Variants in LYN observed in about 807,000 individuals in gnomAD.
The protein encoded by LYN is LYN proto-oncogene, Src family tyrosine kinase.
LYN carries 12 observed loss-of-function variants against 65.0 expected under a neutral mutation model. That is an observed-to-expected ratio of 0.18 (90% CI 0.12 to 0.30). LYN has a LOEUF of 0.30. Among genes scored for constraint, LYN ranks in the 10% least tolerant of loss-of-function variants. The pLI is 1.00. For missense variants in LYN, 380 were observed against 623.2 expected, an observed-to-expected ratio of 0.61 and a Z score of 4.16; for synonymous variants, 222 against 221.2, an observed-to-expected ratio of 1.00 and a Z score of -0.03.
chr8:55,902,744 C>T, intron 1 of LYN: 1 of 502,236 alleles, frequency 2.0e-6, no homozygotes, highest in South Asian at 1.5e-5. Flanking sequence ...GTCTCATTGT[C>T]ACCACTGCAA....
chr8:55,980,936 C>T (rs910815893), intron 10 of LYN, among the ~76,000 whole-genome samples: 11 of 152,180 alleles, frequency 7.2e-5, no homozygotes, highest in Non-Finnish European at 1.6e-4. Context: ...GCCAGCTCCC[C>T]GCGGCCGCTT....
chr8:55,989,172 C>T (rs1808169650), intron 10 of LYN, among the ~76,000 whole-genome samples: 1 of 152,186 alleles, frequency 6.6e-6, no homozygotes, highest in South Asian at 2.1e-4. Flanking sequence ...TTGCTGGAAG[C>T]CGGTTTCACC....
chr8:55,883,166 A>G (rs1346259485), intron 1 of LYN, among the ~76,000 whole-genome samples: 1 of 152,210 alleles, frequency 6.6e-6, no homozygotes, highest in Non-Finnish European at 1.5e-5. Context: ...GTGAAAAATG[A>G]AATGGTTGTA....
At chr8:55,883,718 T>C (rs1359424779) in intron 1 of LYN, among the ~76,000 whole-genome samples, 2 of 152,208 alleles carry the variant, frequency 1.3e-5, no homozygotes, top group East Asian at 1.9e-4. Context: ...ACAGGGCTCA[T>C]AGGACGCACA....
intron 8 of LYN, among the ~76,000 whole-genome samples, chr8:55,959,573 CT>C (rs1482301990): frequency 6.6e-6 from 1 of 152,158 alleles, no homozygotes. Flanking sequence ...GGGTTTCCCA[CT>C]AAATAGAAGT....
intron 1 of LYN, among the ~76,000 whole-genome samples, chr8:55,931,912 A>C (rs1015199260): frequency 2.0e-5 from 3 of 152,350 alleles, no homozygotes; most frequent in African/African-American, 7.2e-5. Flanking sequence ...TTCAAATGAC[A>C]TATCAACATT....
intron 10 of LYN, among the ~76,000 whole-genome samples, chr8:55,977,311 C>G (rs529857147): frequency 2.0e-5 from 3 of 152,204 alleles, no homozygotes; most frequent in African/African-American, 7.2e-5. Context: ...TTATACTCAG[C>G]AAATAGTTTC....
chr8:55,979,622 A>G (rs1807861421), intron 10 of LYN, among the ~76,000 whole-genome samples: 1 of 152,108 alleles, frequency 6.6e-6, no homozygotes, highest in Non-Finnish European at 1.5e-5. Flanking sequence ...TTTGACTGAA[A>G]TGTGTATTCT....
chr8:55,931,170 A>G (rs1806260315), intron 1 of LYN, among the ~76,000 whole-genome samples: 1 of 147,766 alleles, frequency 6.8e-6, no homozygotes, highest in Non-Finnish European at 1.5e-5. Flanking sequence ...AAAATATATT[A>G]TATTTTAAAA....
intron 10 of LYN, among the ~76,000 whole-genome samples, chr8:55,978,628 C>CCTAA (rs1186348800): frequency 3.3e-5 from 5 of 152,012 alleles, no homozygotes; most frequent in Admixed American, 1.3e-4. Context: ...CCAGACAGAC[C>CCTAA]CTAAAGAAAG....
Position 56,012,404 on chromosome 8 carries a change from G to T in LYN, c.*2294G>T. The T allele has an allele frequency of 5.6e-6, 1 of 178,440 alleles. No homozygotes were observed. The highest frequency in any genetic ancestry group is 9.4e-5 in the East Asian group (1 of 10,694). 11.1% of individuals were successfully genotyped at this position (178,440 alleles called of 1,614,324 possible). ...TTCTGACTTAGCTGTTGTGCAGCGG[G>T]AGATGTATGTCAGTCTATTTTAAAA... On this transcript the variant is annotated 3_prime_UTR_variant, in exon 13 of 13. Transcript: ENST00000519728.
At position 56,010,162 on chromosome 8, in the gene LYN, G is replaced by A. The variant is rs772378608; in HGVS notation, c.*52G>A. The A allele has an allele frequency of 1.9e-6, 3 of 1,568,932 alleles. No homozygotes were observed. The highest frequency in any genetic ancestry group is 2.7e-5 in the African/African-American group (2 of 73,898). ...AGGGGTGGCTGCCTCATTTAGAGAG[G>A]AAAAGTAACCATCACTGGTTGCACT... On this transcript the variant is annotated 3_prime_UTR_variant, in exon 13 of 13. Coordinates refer to ENST00000519728, the MANE Select transcript of LYN (RefSeq NM_002350.4).
At chr8:55,982,531 C>T (rs1288685992) in intron 10 of LYN, among the ~76,000 whole-genome samples, 1 of 152,146 alleles carries the variant, frequency 6.6e-6, no homozygotes, top group Non-Finnish European at 1.5e-5. Flanking sequence ...CCTTCTACCT[C>T]CCCCACCCAG....
intron 10 of LYN, among the ~76,000 whole-genome samples, chr8:55,973,532 A>T (rs16922499): frequency 0.021 from 3,215 of 152,320 alleles, 108 homozygotes; most frequent in African/African-American, 0.072. Context: ...AGAGAAGAAA[A>T]ATGAACTTGG....
chr8:55,940,568 G>A (rs1265282521), intron 1 of LYN, among the ~76,000 whole-genome samples: 1 of 152,102 alleles, frequency 6.6e-6, no homozygotes, highest in African/African-American at 2.4e-5. Flanking sequence ...TAGAGATGGG[G>A]TTTCACCATG....
chr8:55,953,523 C>T (rs1807012345), intron 7 of LYN, among the ~76,000 whole-genome samples: 1 of 152,036 alleles, frequency 6.6e-6, no homozygotes, highest in Non-Finnish European at 1.5e-5. Flanking sequence ...TGGTGGGCAC[C>T]TGTAATCCCA....
At chr8:55,961,629 GT>G (rs915560368) in intron 8 of LYN, among the ~76,000 whole-genome samples, 3 of 151,662 alleles carry the variant, frequency 2.0e-5, no homozygotes, top group Non-Finnish European at 4.4e-5. Context: ...CTTGGAAAGC[GT>G]TTTTTTTCCT....
chr8:55,953,769 A>G (rs1032724605), intron 7 of LYN, 63 bp from the exon 8 acceptor site: 2 of 1,527,914 alleles, frequency 1.3e-6, no homozygotes, highest in Non-Finnish European at 1.8e-6. Flanking sequence ...ACTTTTCTTT[A>G]TAGACACAGG....
At chr8:55,994,906 G>A (rs1026936971) in intron 10 of LYN, among the ~76,000 whole-genome samples, 9 of 152,156 alleles carry the variant, frequency 5.9e-5, no homozygotes, top group Non-Finnish European at 1.3e-4. Context: ...TTTGAGCCAG[G>A]CATCGTGGTT....
Sources: allele counts gnomAD v4.1 joint callset (sites outside exome capture counted in the v4.1 genomes callset), GRCh38; gene constraint gnomAD v4.1.1; transcripts MANE v1.5; gene names NCBI Gene and HGNC (gene_info 2026-07-23, HGNC 2026-07-21).